NECTIN2: variants seen among roughly 807,000 people sequenced by gnomAD.
The protein encoded by NECTIN2 is nectin-2.
In NECTIN2, 23 loss-of-function variants were observed where a neutral mutation model predicts 56.9. The observed-to-expected ratio is 0.40, with a 90% CI of 0.29 to 0.57. The LOEUF (loss-of-function observed/expected upper bound fraction) is 0.57, where lower values mean the gene tolerates loss of function less well. Ranked by LOEUF, NECTIN2 falls within the 20% of genes least tolerant of loss-of-function variation. The pLI, the probability that NECTIN2 is intolerant of heterozygous loss-of-function variation, is 0.38. For synonymous variants in NECTIN2, 302 were observed against 313.8 expected, an observed-to-expected ratio of 0.96 and a Z score of 0.40; for missense variants, 587 against 718.3, an observed-to-expected ratio of 0.82 and a Z score of 2.09.
At chr19:44,861,738 C>T (rs1351841493) in intron 1 of NECTIN2, among the ~76,000 whole-genome samples, 1 of 152,054 alleles carries the variant, frequency 6.6e-6, no homozygotes, top group South Asian at 2.1e-4. Flanking sequence ...AGCCAACAAA[C>T]ATGAAAAAAA....
chr19:44,858,470 C>T (rs561925660), intron 1 of NECTIN2, among the ~76,000 whole-genome samples: 2 of 151,984 alleles, frequency 1.3e-5, no homozygotes, highest in East Asian at 3.9e-4. Context: ...ATACAGGGGC[C>T]CGCCACCACG....
At chr19:44,855,696 A>C (rs1283756804) in intron 1 of NECTIN2, among the ~76,000 whole-genome samples, 2 of 152,158 alleles carry the variant, frequency 1.3e-5, no homozygotes, top group African/African-American at 4.8e-5. Flanking sequence ...CTGGAAAACA[A>C]GCACCTGATT....
intron 5 of NECTIN2, among the ~76,000 whole-genome samples, chr19:44,879,314 A>T (rs1275753741): frequency 6.6e-6 from 1 of 152,040 alleles, no homozygotes; most frequent in East Asian, 1.9e-4. Context: ...GGGTGGGGAC[A>T]GCAGGGGCTC....
At chr19:44,887,015 C>CAAA (rs113580794) in intron 8 of NECTIN2, among the ~76,000 whole-genome samples, 1 of 115,842 alleles carries the variant, frequency 8.6e-6, no homozygotes, top group Non-Finnish European at 1.8e-5. Context: ...GACCCTATCT[C>CAAA]AAAAAAAAAA....
Position 44,886,147 on chromosome 19 carries a change from C to T in NECTIN2, c.1275C>T (p.Phe425=), listed in dbSNP as rs1485224394. The change falls in exon 8 of 9, where the codon TTC becomes TTT. Residue 425 remains phenylalanine (F), a synonymous_variant. Coordinates refer to ENST00000252483, the MANE Select transcript of NECTIN2 (RefSeq NM_001042724.2). ...TCCCACTACAGCCCTCCCAGCTCTTCACTCTGGGGGCCTCGGAGCACAGCC... is the reference window on the plus strand; with the variant it reads ...TCCCACTACAGCCCTCCCAGCTCTTTACTCTGGGGGCCTCGGAGCACAGCC... The part of the protein sequence containing the change: ...LEAQEMPSQL[F]TLGASEHSPL... 3 of 1,613,036 alleles carry T rather than the reference C, an allele frequency of 1.9e-6. No homozygotes were observed. The highest frequency in any genetic ancestry group is 1.7e-6 in the Non-Finnish European group (2 of 1,179,342).
chr19:44,861,433 T>G (rs1969030594), intron 1 of NECTIN2, among the ~76,000 whole-genome samples: 1 of 152,096 alleles, frequency 6.6e-6, no homozygotes, highest in South Asian at 2.1e-4. Flanking sequence ...ATAAAGAAAA[T>G]GTGGTCTATA....
intron 8 of NECTIN2, among the ~76,000 whole-genome samples, chr19:44,886,858 T>C (rs547388039): frequency 1.3e-5 from 2 of 151,636 alleles, no homozygotes; most frequent in African/African-American, 4.8e-5. Context: ...GTGGGCAACA[T>C]GGGCTACCCA....
intron 1 of NECTIN2, among the ~76,000 whole-genome samples, chr19:44,862,814 G>T (rs1969048811): frequency 6.6e-6 from 1 of 151,688 alleles, no homozygotes. Context: ...GGCGTTCGAG[G>T]CCAGCCTGGC....
chr19:44,874,485 G>T lies in NECTIN2; in HGVS notation c.1042+7G>T. ...CAGGTCATCTTTGTCCGAGGTGAGT[G>T]GGTCTTGGGGGCCGTGTGTGGAGAC... On this transcript the variant is annotated splice_region_variant and intron_variant, in intron 5 of 8. Coordinates refer to ENST00000252483, the MANE Select transcript of NECTIN2 (RefSeq NM_001042724.2). This position sits in a 1 kb window ranked among gnomAD's most constrained non-coding sequence, Gnocchi z 6.3. The T allele has an allele frequency of 6.2e-7, 1 of 1,612,624 alleles. No homozygotes were observed. The highest frequency in any genetic ancestry group is 1.1e-5 in the South Asian group (1 of 91,076).
intron 1 of NECTIN2, among the ~76,000 whole-genome samples, chr19:44,848,262 C>T (rs528951928): frequency 2.6e-5 from 4 of 152,304 alleles, no homozygotes; most frequent in African/African-American, 9.6e-5. Context: ...CCTGAGCCTA[C>T]TGTTAGCTTG....
intron 1 of NECTIN2, among the ~76,000 whole-genome samples, chr19:44,855,197 G>A (rs548926472): frequency 1.4e-4 from 21 of 151,310 alleles, no homozygotes; most frequent in Non-Finnish European, 1.5e-4. Flanking sequence ...AGGCCGAGGC[G>A]GGCAGATCAC....
intron 1 of NECTIN2, among the ~76,000 whole-genome samples, chr19:44,855,152 G>A (rs1290863953): frequency 4.8e-5 from 7 of 145,790 alleles, no homozygotes; most frequent in African/African-American, 1.0e-4. Context: ...TCAGCCTGGC[G>A]CAGTGGCTCA....
chr19:44,868,730 G>A (rs898314879), intron 2 of NECTIN2, among the ~76,000 whole-genome samples: 1 of 151,432 alleles, frequency 6.6e-6, no homozygotes, highest in African/African-American at 2.4e-5. Context: ...TGGCTAACAC[G>A]GTGAAACCCC....
chr19:44,878,121 G>A (rs1336770962), intron 5 of NECTIN2: 14 of 378,532 alleles, frequency 3.7e-5, no homozygotes, highest in Middle Eastern at 8.0e-4. Context: ...CTCCATCCCC[G>A]CCTATCCTGC....
Position 44,874,087 on chromosome 19 carries a change from T to C in NECTIN2, c.893+54T>C. 7.0e-7 allele frequency: 1 copy of C among 1,426,884 alleles called. No individual in the cohort carries two copies. The highest frequency in any genetic ancestry group is 9.8e-7 in the Non-Finnish European group (1 of 1,024,656). 88.4% of individuals were successfully genotyped at this position (1,426,884 alleles called of 1,614,324 possible). ...TCTGAGGGAGGCGGGGCTGGGGGCC[T>C]GGACTCCTGGATCTAAGGGAGGAGG... On this transcript the variant is annotated intron_variant, in intron 4 of 8. Coordinates refer to ENST00000252483, the MANE Select transcript of NECTIN2 (RefSeq NM_001042724.2). The surrounding 1 kb of genome is among the most constrained non-coding windows in gnomAD (Gnocchi z 6.3).
At position 44,888,096 on chromosome 19, in the gene NECTIN2, C is replaced by T. The variant is rs900702390; in HGVS notation, c.1348-14C>T. On this transcript the variant is annotated splice_polypyrimidine_tract_variant and intron_variant, in intron 8 of 8. Transcript: ENST00000252483. Reference sequence around the variant, plus strand: ...GGAAGTGATCTTGAGTTCCTGTCCTCTCTCTACCTCCAGGAAATGCCTCGA... The same window carrying T: ...GGAAGTGATCTTGAGTTCCTGTCCTTTCTCTACCTCCAGGAAATGCCTCGA... 1 of 1,607,668 alleles carries T rather than the reference C, an allele frequency of 6.2e-7. No homozygotes were observed. The highest frequency in any genetic ancestry group is 1.3e-5 in the African/African-American group (1 of 74,746).
chr19:44,850,982 G>A (rs1412063094), intron 1 of NECTIN2, among the ~76,000 whole-genome samples: 2 of 152,096 alleles, frequency 1.3e-5, no homozygotes. Context: ...AGGAGTCCAG[G>A]AGCCCAGCTC....
At chr19:44,878,975 G>T (rs751339292) in intron 5 of NECTIN2, 110 of 994,370 alleles carry the variant, frequency 1.1e-4, no homozygotes, top group Non-Finnish European at 1.3e-4. Context: ...CCCCCTCCTT[G>T]CATGTTGGGG....
At chr19:44,871,790 G>A in intron 2 of NECTIN2, 63 bp from the exon 3 acceptor site, 1 of 1,547,448 alleles carries the variant, frequency 6.5e-7, no homozygotes, top group Non-Finnish European at 8.8e-7. Flanking sequence ...CTGCTCCTCT[G>A]CTGAGTGTTT....
Sources: gnomAD v4.1 joint callset for allele counts (sites outside exome capture counted in the v4.1 genomes callset) on GRCh38, gnomAD v4.1.1 for gene constraint, Gnocchi (gnomAD v3.1) non-coding constraint, MANE v1.5 for transcripts, NCBI Gene and HGNC (gene_info 2026-07-23, HGNC 2026-07-21) for gene names.